Variants in ZMYND11 observed in about 807,000 individuals in gnomAD.
The protein encoded by ZMYND11 is zinc finger MYND-type containing 11.
ZMYND11 carries 9 observed loss-of-function variants against 84.9 expected under a neutral mutation model. That is an observed-to-expected ratio of 0.11 (90% CI 0.06 to 0.18). ZMYND11 has a LOEUF of 0.18. Ranked by LOEUF, ZMYND11 falls within the 10% of genes least tolerant of loss-of-function variation. The probability of loss-of-function intolerance (pLI) is 1.00; values close to 1 mark genes in which losing one functional copy is unlikely to be tolerated. For synonymous variants in ZMYND11, 250 were observed against 244.1 expected, an observed-to-expected ratio of 1.02 and a Z score of -0.23; for missense variants, 409 against 761.0, an observed-to-expected ratio of 0.54 and a Z score of 5.44.
intron 2 of ZMYND11, among the ~76,000 whole-genome samples, chr10:183,224 GT>G (rs1214194132): frequency 0.01 from 1,313 of 130,618 alleles, 7 homozygotes; most frequent in Non-Finnish European, 0.014. Flanking sequence ...TTTGTTGTTG[GT>G]TTTTTTTTTT....
intron 4 of ZMYND11, among the ~76,000 whole-genome samples, chr10:223,446 CCTTTCTTTTT>C: frequency 1.3e-5 from 2 of 152,216 alleles, no homozygotes; most frequent in East Asian, 1.9e-4. Flanking sequence ...CTTCTCTTTT[CCTTTCTTTTT>C]GCCTTTGTCA....
At chr10:208,113 G>T (rs1025739181) in intron 2 of ZMYND11, among the ~76,000 whole-genome samples, 5 of 152,264 alleles carry the variant, frequency 3.3e-5, no homozygotes, top group African/African-American at 1.2e-4. Flanking sequence ...GCTGAAACTG[G>T]ATCCCTTCCT....
At chr10:162,922 A>G (rs1554762424) in intron 1 of ZMYND11, among the ~76,000 whole-genome samples, 1 of 152,086 alleles carries the variant, frequency 6.6e-6, no homozygotes, top group African/African-American at 2.4e-5. Context: ...CAGGTCTGCT[A>G]TAAAGCTCTT....
Position 197,050 on chromosome 10 carries a change from C to T in ZMYND11, c.117-12839C>T, listed in dbSNP as rs556171122. Among the ~76,000 whole-genome samples the T allele has an allele frequency of 9.4e-5, 14 of 149,146 alleles. No individual in the cohort carries two copies. In the East Asian group the frequency reaches 1.8e-3, roughly 19 times the overall value. On this transcript the variant is annotated intron_variant, in intron 2 of 14. Transcript: ENST00000381604. ...TGCTTTTAGTTCACGTGTGTGCCCA[C>T]GTGCGCAATGTGTTCATGTATGTGT...
intron 2 of ZMYND11, among the ~76,000 whole-genome samples, chr10:196,065 T>A (rs1941653730): frequency 6.6e-6 from 1 of 152,214 alleles, no homozygotes; most frequent in South Asian, 2.1e-4. Context: ...GTCAGGTCTA[T>A]TGATGACCCA....
chr10:172,111 G>T (rs1554765848), intron 1 of ZMYND11, among the ~76,000 whole-genome samples: 1 of 152,112 alleles, frequency 6.6e-6, no homozygotes, highest in Non-Finnish European at 1.5e-5. Context: ...TTTTATAAGG[G>T]CATTAATCCC....
intron 1 of ZMYND11, among the ~76,000 whole-genome samples, chr10:146,417 T>A (rs182011444): frequency 2.0e-4 from 30 of 152,312 alleles, no homozygotes; most frequent in African/African-American, 6.3e-4. Flanking sequence ...GATGTTCGTA[T>A]TTTGATAGGA....
chr10:252,007 G>C lies in ZMYND11; in HGVS notation c.1687-341G>C, dbSNP rs1240119897. ...AGGGAGTTTAGGCAAGTCTTTCAAG[G>C]AGCTTGTGGGGAGCAGAGAAATGCA... On this transcript the variant is annotated intron_variant, in intron 14 of 14. Transcript: ENST00000381604. This position sits in a 1 kb window ranked among gnomAD's most constrained non-coding sequence, Gnocchi z 4.6. 2.6e-5 allele frequency among the ~76,000 whole-genome samples: 4 copies of C among 152,134 alleles called. No individual in the cohort carries two copies. The highest frequency in any genetic ancestry group is 5.9e-5 in the Non-Finnish European group (4 of 68,014).
At chr10:190,670 C>T (rs1368361603) in intron 2 of ZMYND11, among the ~76,000 whole-genome samples, 2 of 152,202 alleles carry the variant, frequency 1.3e-5, no homozygotes, top group African/African-American at 4.8e-5. Flanking sequence ...GAGACCCTGA[C>T]GTTTCTTCTT....
upstream of ZMYND11, among the ~76,000 whole-genome samples, chr10:134,135 C>T (rs1485769619): frequency 2.0e-5 from 3 of 152,112 alleles, no homozygotes; most frequent in Admixed American, 2.0e-4. Context: ...CTCCTATACA[C>T]ACCTGCCTAT....
intron 2 of ZMYND11, among the ~76,000 whole-genome samples, chr10:180,842 C>A (rs536451194): frequency 3.9e-5 from 6 of 152,068 alleles, no homozygotes; most frequent in Non-Finnish European, 8.8e-5. Context: ...CTTTATAGCC[C>A]ACTAACAGAA....
intron 1 of ZMYND11, among the ~76,000 whole-genome samples, chr10:171,034 A>T (rs534836327): frequency 6.6e-6 from 1 of 152,274 alleles, no homozygotes; most frequent in South Asian, 2.1e-4. Flanking sequence ...TATCAGTTTC[A>T]GACAAAGGAC....
intron 2 of ZMYND11, among the ~76,000 whole-genome samples, chr10:196,841 A>G (rs2131007332): frequency 6.6e-6 from 1 of 152,344 alleles, no homozygotes; most frequent in South Asian, 2.1e-4. Flanking sequence ...AACTGGGGTA[A>G]GAGTAAAAGG....
rs569644399 is a variant in ZMYND11 at position 253,665 on chromosome 10, A to G, written c.*1195A>G. On this transcript the variant is annotated 3_prime_UTR_variant, in exon 15 of 15. Coordinates refer to ENST00000381604, the MANE Select transcript of ZMYND11 (RefSeq NM_001370100.5). ...AAAACTTAAATTACTTTTCTTTTAA[A>G]ATATCTCACAATTTATGTGGTATTT... 6.5e-6 allele frequency: 1 copy of G among 152,748 alleles called. No homozygotes were observed. Among genetic ancestry groups the G allele is most frequent in the Admixed American group, 6.5e-5 (1 of 15,298 alleles). The allele number at this position is 152,748 out of a possible 1,614,324, so 9.5% of individuals were successfully genotyped here.
rs770526477 is a variant in ZMYND11 at position 248,624 on chromosome 10, A to G, written c.1500+16A>G. The stretch of plus-strand genomic sequence containing the variant: ...TCTGGAGAAGGTAATGCTTGTCGCC[A>G]CTGTGGGTGCCCTGCTGCAGCCGGC... On this transcript the variant is annotated intron_variant, in intron 13 of 14. Coordinates refer to ENST00000381604, the MANE Select transcript of ZMYND11 (RefSeq NM_001370100.5). 5.7e-6 allele frequency: 9 copies of G among 1,583,536 alleles called. No individual in the cohort carries two copies. The South Asian group carries it at 5.7e-5, about 10-fold the overall frequency.
At chr10:164,675 G>C (rs1230147668) in intron 1 of ZMYND11, among the ~76,000 whole-genome samples, 1 of 152,160 alleles carries the variant, frequency 6.6e-6, no homozygotes, top group African/African-American at 2.4e-5. Flanking sequence ...CAGTGTGGTG[G>C]GGAAGTGCAT....
At chr10:181,715 G>A (rs1037302980) in intron 2 of ZMYND11, among the ~76,000 whole-genome samples, 2 of 152,182 alleles carry the variant, frequency 1.3e-5, no homozygotes, top group Admixed American at 6.5e-5. Flanking sequence ...TTCTGTACTC[G>A]CCTTTGTGGT....
chr10:173,167 C>G (rs1554766098), intron 1 of ZMYND11, among the ~76,000 whole-genome samples: 1 of 152,076 alleles, frequency 6.6e-6, no homozygotes, highest in African/African-American at 2.4e-5. Context: ...AGGAGGAAAC[C>G]TAGATTACCT....
chr10:199,231 C>T (rs1326914961), intron 2 of ZMYND11, among the ~76,000 whole-genome samples: 1 of 151,660 alleles, frequency 6.6e-6, no homozygotes, highest in African/African-American at 2.4e-5. Context: ...AGAACTCTCT[C>T]TCTCTCCCTT....
Sources: gnomAD v4.1 joint callset for allele counts (sites outside exome capture counted in the v4.1 genomes callset) on GRCh38, gnomAD v4.1.1 for gene constraint, Gnocchi (gnomAD v3.1) non-coding constraint, MANE v1.5 for transcripts, NCBI Gene and HGNC (gene_info 2026-07-23, HGNC 2026-07-21) for gene names.